The following CSMD2 variants were observed in gnomAD, a reference collection of about 807,000 sequenced individuals.
The protein encoded by CSMD2 is CUB and Sushi multiple domains 2.
A neutral mutation model predicts 398.5 loss-of-function variants in CSMD2; 130 were observed. That is an observed-to-expected ratio of 0.33 (90% confidence interval 0.28 to 0.38). The LOEUF is 0.38. CSMD2 is among the 10% of genes least tolerant of loss of function. The pLI, the probability that CSMD2 is intolerant of heterozygous loss-of-function variation, is 1.00. For synonymous variants in CSMD2, 1,828 were observed against 1,908.5 expected, an observed-to-expected ratio of 0.96 and a Z score of 1.10; for missense variants, 3,829 against 4,764.9, an observed-to-expected ratio of 0.80 and a Z score of 5.78.
rs1418181076 is a variant in CSMD2 at position 34,089,142 on chromosome 1, G to C, written c.239C>G (p.Pro80Arg). 5.0e-6 allele frequency: 8 copies of C among 1,614,038 alleles called. No homozygotes were observed. Among genetic ancestry groups the C allele is most frequent in the African/African-American group, 2.7e-5 (2 of 74,920 alleles). ...ATTGGGGTAGCCATATGGGAACCCTGGGCTCTCAACTGTCCCATTGGGACC... is the reference window on the plus strand; with the variant it reads ...ATTGGGGTAGCCATATGGGAACCCTCGGCTCTCAACTGTCCCATTGGGACC... ...LHGPNGTVESPGFPYGYPNYA... is the reference protein window; with the variant it reads ...LHGPNGTVESRGFPYGYPNYA... Residue 80 changes from proline to arginine, a missense_variant, in exon 2 of 71, where the codon CCA becomes CGA. Physicochemically the swap from Pro to Arg is moderately radical, Grantham distance 103. Transcript: ENST00000373381.
Position 33,617,550 on chromosome 1 carries a change from G to C in CSMD2, c.5895C>G (p.Tyr1965Ter). The change falls in exon 38 of 71, where the codon TAC becomes TAG. Residue 1965 changes from tyrosine to a stop codon, truncating the protein, a stop_gained. Coordinates refer to ENST00000373381, the MANE Select transcript of CSMD2 (RefSeq NM_001281956.2). LOFTEE classifies it high-confidence loss of function. The stretch of plus-strand genomic sequence containing the variant: ...GGAAAGACACCACATCATTCACCAA[G>C]TAGCGCTCGCCAGTCTTCACCCCGT... ...PSNGVKTGER[Y>*]LVNDVVSFQC... The C allele has an allele frequency of 1.2e-6, 2 of 1,614,154 alleles. No homozygotes were observed. The highest frequency in any genetic ancestry group is 2.7e-5 in the African/African-American group (2 of 75,032).
intron 1 of CSMD2, among the ~76,000 whole-genome samples, chr1:34,146,109 G>A (rs367582881): frequency 6.6e-6 from 1 of 152,128 alleles, no homozygotes; most frequent in Non-Finnish European, 1.5e-5. Flanking sequence ...GCTGGAGTGC[G>A]ATGGCATGAT....
intron 3 of CSMD2, among the ~76,000 whole-genome samples, chr1:33,957,303 A>G (rs1180595032): frequency 2.0e-5 from 3 of 152,180 alleles, no homozygotes; most frequent in Non-Finnish European, 4.4e-5. Flanking sequence ...TACTTGTTGA[A>G]TGAACTGACA....
intron 3 of CSMD2, among the ~76,000 whole-genome samples, chr1:33,987,060 T>C (rs996068012): frequency 2.0e-5 from 3 of 152,124 alleles, no homozygotes; most frequent in Non-Finnish European, 4.4e-5. Flanking sequence ...GGAACCCCTC[T>C]GCCCAGAGGG....
chr1:34,155,175 G>A (rs972228564), intron 1 of CSMD2, among the ~76,000 whole-genome samples: 5 of 152,174 alleles, frequency 3.3e-5, no homozygotes, highest in African/African-American at 9.7e-5. Flanking sequence ...ATCATAAAGT[G>A]CTAATGGACT....
intron 9 of CSMD2, among the ~76,000 whole-genome samples, chr1:33,811,853 A>G (rs572256680): frequency 6.6e-6 from 1 of 152,346 alleles, no homozygotes; most frequent in South Asian, 2.1e-4. Flanking sequence ...CATGCTGCCC[A>G]CATGGCAATT....
In CSMD2 at chr1:33,636,917, C is replaced by A. The variant is rs1233208317; in HGVS notation, c.4775-363G>T. 2.0e-5 allele frequency among the ~76,000 whole-genome samples: 3 copies of A among 152,148 alleles called. No homozygotes were observed. The highest frequency in any genetic ancestry group is 1.3e-4 in the Admixed American group (2 of 15,280). On this transcript the variant is annotated intron_variant, in intron 29 of 70. Coordinates refer to ENST00000373381, the MANE Select transcript of CSMD2 (RefSeq NM_001281956.2). The surrounding 1 kb of genome is among the most constrained non-coding windows in gnomAD (Gnocchi z 4.8). ...GGGGCTGACAGTCCCTGGACCACAT[C>A]TCAGCTGCCGGCAGGGTCACTGTGG...
intron 3 of CSMD2, among the ~76,000 whole-genome samples, chr1:33,970,192 GATGA>G (rs748681707): frequency 2.0e-5 from 3 of 151,712 alleles, no homozygotes; most frequent in Middle Eastern, 3.2e-3. Flanking sequence ...TGGCTCCTTA[GATGA>G]ATGAATGAAT....
intron 3 of CSMD2, among the ~76,000 whole-genome samples, chr1:33,947,430 C>A (rs1208041173): frequency 1.3e-5 from 2 of 152,174 alleles, no homozygotes; most frequent in Non-Finnish European, 2.9e-5. Flanking sequence ...CCTTAGACAA[C>A]AGAACTCCAG....
intron 1 of CSMD2, among the ~76,000 whole-genome samples, chr1:34,100,369 G>T (rs1486596639): frequency 1.3e-5 from 2 of 152,090 alleles, no homozygotes; most frequent in Non-Finnish European, 2.9e-5. Context: ...CATTCTGGGA[G>T]AATTTTGATT....
chr1:33,904,482 A>T (rs1003018012), intron 5 of CSMD2, among the ~76,000 whole-genome samples: 1 of 152,120 alleles, frequency 6.6e-6, no homozygotes, highest in Non-Finnish European at 1.5e-5. Context: ...CTACTGTTCC[A>T]TTTTCTGCCT....
At chr1:33,579,731 T>A (rs571094040) in intron 48 of CSMD2, among the ~76,000 whole-genome samples, 2 of 151,686 alleles carry the variant, frequency 1.3e-5, no homozygotes, top group East Asian at 3.9e-4. Flanking sequence ...CAGGCTGGAG[T>A]GCAGTAGCGT....
At position 33,521,535 on chromosome 1, in the gene CSMD2, A is replaced by G. The variant is rs776542804; in HGVS notation, c.10525T>C (p.Ser3509Pro). Residue 3509 changes from serine (S) to proline (P), a missense_variant, in exon 68 of 71, where the codon TCC (serine) becomes CCC (proline). This residue lies in a region of CSMD2 where 917 missense variants were observed against 1,199.5 expected (regional missense o/e 0.76). Transcript: ENST00000373381. ...ALDGHVSSES[S>P]GATFIYQGSV... Reference sequence around the variant, plus strand: ...CCTTGGTAGATGAAGGTGGCTCCGGAGGACTCTGACGAGACCTGTGATGGT... The same window carrying G: ...CCTTGGTAGATGAAGGTGGCTCCGGGGGACTCTGACGAGACCTGTGATGGT... 3.1e-6 allele frequency: 5 copies of G among 1,612,288 alleles called. 1 individual carries two copies. The highest frequency in any genetic ancestry group is 4.2e-6 in the Non-Finnish European group (5 of 1,178,406).
At chr1:33,936,955 A>C (rs1644500060) in intron 3 of CSMD2, among the ~76,000 whole-genome samples, 1 of 152,192 alleles carries the variant, frequency 6.6e-6, no homozygotes, top group South Asian at 2.1e-4. Flanking sequence ...GGATGGTGGT[A>C]AGTGCAGACT....
chr1:33,690,495 C>G (rs945879752), intron 25 of CSMD2, among the ~76,000 whole-genome samples: 2 of 152,168 alleles, frequency 1.3e-5, no homozygotes, highest in African/African-American at 4.8e-5. Flanking sequence ...ACATCTCATT[C>G]ATTTATATAA....
chr1:33,749,140 C>G (rs1647831370), intron 13 of CSMD2, among the ~76,000 whole-genome samples: 1 of 145,040 alleles, frequency 6.9e-6, no homozygotes. Context: ...CGCTGTCACC[C>G]AGGCTGGAGT....
chr1:33,821,396 T>C (rs1296626876), intron 7 of CSMD2, among the ~76,000 whole-genome samples: 2 of 152,166 alleles, frequency 1.3e-5, no homozygotes, highest in Admixed American at 1.3e-4. Flanking sequence ...CTGAGGAGGC[T>C]GGATTCCTGG....
intron 3 of CSMD2, among the ~76,000 whole-genome samples, chr1:33,973,513 C>A (rs1218561510): frequency 4.6e-5 from 7 of 152,208 alleles, no homozygotes; most frequent in Admixed American, 2.6e-4. Context: ...AAGCTTCCTG[C>A]CCCAGGGGAC....
chr1:34,119,341 C>T, intron 1 of CSMD2, among the ~76,000 whole-genome samples: 1 of 152,094 alleles, frequency 6.6e-6, no homozygotes, highest in Non-Finnish European at 1.5e-5. Flanking sequence ...AAAAGGAAAG[C>T]TTTATGACAT....
Sources: allele counts gnomAD v4.1 joint callset (sites outside exome capture counted in the v4.1 genomes callset), GRCh38; gene constraint gnomAD v4.1.1; regional missense constraint gnomAD v4.1.1; non-coding constraint Gnocchi (gnomAD v3.1); transcripts MANE v1.5; gene names NCBI Gene and HGNC (gene_info 2026-07-23, HGNC 2026-07-21).